The following KCNQ1 variants were observed in gnomAD, a reference collection of about 807,000 sequenced individuals.
The protein encoded by KCNQ1 is potassium voltage-gated channel subfamily KQT member 1.
KCNQ1 carries 49 observed loss-of-function variants against 72.4 expected under a neutral mutation model. The ratio of observed to expected loss-of-function variants is 0.68; its 90% CI spans 0.54 to 0.86. The LOEUF (loss-of-function observed/expected upper bound fraction) is 0.86, where lower values mean the gene tolerates loss of function less well. KCNQ1 is among the 40% of genes least tolerant of loss of function. KCNQ1 has a pLI of 0.00. For missense variants in KCNQ1, 790 were observed against 945.1 expected, an observed-to-expected ratio of 0.84 and a Z score of 2.15; for synonymous variants, 450 against 412.6, an observed-to-expected ratio of 1.09 and a Z score of -1.10.
chr11:2,758,848 C>A (rs1846343370), intron 11 of KCNQ1, among the ~76,000 whole-genome samples: 1 of 152,134 alleles, frequency 6.6e-6, no homozygotes, highest in Non-Finnish European at 1.5e-5. Context: ...AAAGTCCAGG[C>A]TGTAGGGATG....
intron 11 of KCNQ1, among the ~76,000 whole-genome samples, chr11:2,732,622 C>T (rs561760183): frequency 6.6e-6 from 1 of 152,202 alleles, no homozygotes; most frequent in African/African-American, 2.4e-5. Context: ...GCCCGAGGGC[C>T]GTCTGACCTT....
Position 2,813,718 on chromosome 11 carries a change from G to A in KCNQ1, c.1795-34049G>A, listed in dbSNP as rs556817993. The stretch of plus-strand genomic sequence containing the variant: ...AGTGACTGCGTCATCAGTGCCTTTT[G>A]ATCTTGTTGCCGCAAGATACACAGG... On this transcript the variant is annotated intron_variant, in intron 15 of 15. Coordinates refer to ENST00000155840, the MANE Select transcript of KCNQ1 (RefSeq NM_000218.3). The surrounding 1 kb of genome is among the most constrained non-coding windows in gnomAD (Gnocchi z 4.4). Among the ~76,000 whole-genome samples the A allele has an allele frequency of 6.6e-6, 1 of 152,252 alleles. No individual in the cohort carries two copies. Among genetic ancestry groups the A allele is most frequent in the East Asian group, 1.9e-4 (1 of 5,158 alleles).
intron 10 of KCNQ1, chr11:2,640,148 T>C (rs2133828132): frequency 2.8e-6 from 1 of 358,610 alleles, no homozygotes; most frequent in East Asian, 4.1e-5. Flanking sequence ...TGACCCCTTG[T>C]GCTTCCCAGG....
At chr11:2,665,708 C>T in intron 11 of KCNQ1, 1 of 398,286 alleles carries the variant, frequency 2.5e-6, no homozygotes, top group Non-Finnish European at 4.4e-6. Flanking sequence ...GCATGTATAG[C>T]CCTCTTGGTC....
intron 10 of KCNQ1, chr11:2,633,277 CCGGATATT>C: frequency 2.5e-6 from 1 of 398,372 alleles, no homozygotes; most frequent in Non-Finnish European, 4.4e-6. Flanking sequence ...CTTGTATATT[CCGGATATT>C]AATCCCTTGT....
In KCNQ1 at chr11:2,481,685, G is replaced by GGT. The variant is rs928521965; in HGVS notation, c.386+36206_386+36207dup. Among the ~76,000 whole-genome samples, 1 of 152,068 alleles carries GGT rather than the reference G, an allele frequency of 6.6e-6. No individual in the cohort carries two copies. Among genetic ancestry groups the GGT allele is most frequent in the African/African-American group, 2.4e-5 (1 of 41,394 alleles). ...AGTGGCGGCATTAGATTCTCACAGG[G>GGT]GTGTGTACCCTGTTGCAAACTATGC... is the stretch of plus-strand genomic sequence containing the variant. On this transcript the variant is annotated intron_variant, in intron 1 of 15. Transcript: ENST00000155840. The surrounding 1 kb of genome is among the most constrained non-coding windows in gnomAD (Gnocchi z 4.6).
At position 2,468,683 on chromosome 11, in the gene KCNQ1, C is replaced by G. The variant is rs1212000288; in HGVS notation, c.386+23199C>G. The stretch of plus-strand genomic sequence containing the variant: ...TTTGGATGGACTCTGGCAGCCAACG[C>G]TGGTTTCGTCTGGCTTCTTTTATTC... On this transcript the variant is annotated intron_variant, in intron 1 of 15. Transcript: ENST00000155840. This position sits in a 1 kb window ranked among gnomAD's most constrained non-coding sequence, Gnocchi z 5.7. Among the ~76,000 whole-genome samples, 1 of 152,190 alleles carries G rather than the reference C, an allele frequency of 6.6e-6. No homozygotes were observed. Among genetic ancestry groups the G allele is most frequent in the Admixed American group, 6.5e-5 (1 of 15,278 alleles).
chr11:2,844,355 C>G (rs951856569), intron 15 of KCNQ1, among the ~76,000 whole-genome samples: 1 of 152,218 alleles, frequency 6.6e-6, no homozygotes, highest in Non-Finnish European at 1.5e-5. Flanking sequence ...GCCTCTGTCA[C>G]CAGCAGCTGG....
At chr11:2,644,821 C>T in intron 10 of KCNQ1, 1 of 398,624 alleles carries the variant, frequency 2.5e-6, no homozygotes, top group Non-Finnish European at 4.4e-6. Context: ...GTAAACAGCA[C>T]CAGTAGTGTC....
rs1241055513 is a variant in KCNQ1 at position 2,546,382 on chromosome 11, TTG to T, written c.477+18369_477+18370del. ...ATGATTTATCTTGGTAAATACTCCA[TTG>T]TGTGCTTGGAAAGAGTGTGTACTGC... is the stretch of plus-strand genomic sequence containing the variant. On this transcript the variant is annotated intron_variant, in intron 2 of 15. Coordinates refer to ENST00000155840, the MANE Select transcript of KCNQ1 (RefSeq NM_000218.3). Among the ~76,000 whole-genome samples the T allele has an allele frequency of 3.9e-5, 6 of 152,318 alleles. No individual in the cohort carries two copies. In the East Asian group the frequency reaches 1.2e-3, roughly 29 times the overall value.
chr11:2,823,709 G>T (rs1847785007), intron 15 of KCNQ1, among the ~76,000 whole-genome samples: 1 of 152,234 alleles, frequency 6.6e-6, no homozygotes, highest in South Asian at 2.1e-4. Flanking sequence ...ATCTCCCTGA[G>T]GGAGGTGTTG....
In KCNQ1 at chr11:2,811,138, C is replaced by T. The variant is rs144084239; in HGVS notation, c.1794+33101C>T. 1.6e-3 allele frequency among the ~76,000 whole-genome samples: 246 copies of T among 152,304 alleles called. 2 individuals are homozygous for T. The highest frequency in any genetic ancestry group is 5.7e-3 in the Admixed American group (87 of 15,302). On this transcript the variant is annotated intron_variant, in intron 15 of 15. Coordinates refer to ENST00000155840, the MANE Select transcript of KCNQ1 (RefSeq NM_000218.3). ...CTCAGGCTGTGCACCTCCGCAGTGC[C>T]GTGTCCTGTCTGGAGCCTGTCACAC...
chr11:2,513,187 A>G (rs971749918), intron 1 of KCNQ1, among the ~76,000 whole-genome samples: 1 of 152,158 alleles, frequency 6.6e-6, no homozygotes, highest in Non-Finnish European at 1.5e-5. Flanking sequence ...CCCTCCGACC[A>G]GGACCTTTGT....
chr11:2,837,825 G>A (rs234868), intron 15 of KCNQ1, among the ~76,000 whole-genome samples: 88,268 of 152,156 alleles, frequency 0.58, 25,839 homozygotes, highest in South Asian at 0.75. Context: ...CGAGAAGGGC[G>A]GCGCCCAGGG....
chr11:2,546,869 C>T (rs1026923492), intron 2 of KCNQ1, among the ~76,000 whole-genome samples: 5 of 152,236 alleles, frequency 3.3e-5, no homozygotes, highest in African/African-American at 9.6e-5. Context: ...TCCCTGGCCA[C>T]TTTCTTTGCT....
At chr11:2,596,885 TATATA>T (rs1343618226) in intron 10 of KCNQ1, among the ~76,000 whole-genome samples, 1 of 151,308 alleles carries the variant, frequency 6.6e-6, no homozygotes, top group Non-Finnish European at 1.5e-5. Context: ...ATAATGTAAA[TATATA>T]ATATATATTT....
At chr11:2,554,930 A>T (rs138345119) in intron 2 of KCNQ1, among the ~76,000 whole-genome samples, 3 of 152,324 alleles carry the variant, frequency 2.0e-5, no homozygotes, top group African/African-American at 7.2e-5. Context: ...AAATCTCTAG[A>T]TTTGCAGAAT....
chr11:2,456,183 C>T (rs1846188608), intron 1 of KCNQ1, among the ~76,000 whole-genome samples: 1 of 151,748 alleles, frequency 6.6e-6, no homozygotes, highest in Admixed American at 6.6e-5. Flanking sequence ...ACTAAAAATA[C>T]AAAAATTAGC....
In KCNQ1 at chr11:2,528,001, G is replaced by C; in HGVS notation, c.460G>C (p.Gly154Arg). ...TIEQYAALAT[G>R]TLFWMEIVLV... is the part of the protein sequence containing the mutation. ...CGAGCAGTATGCCGCCCTGGCCACG[G>C]GGACTCTCTTCTGGATGGTACGTAG... The change falls in exon 2 of 16, where the codon GGG (glycine) becomes CGG (arginine). Residue 154 changes from glycine to arginine, a missense_variant. Coordinates refer to ENST00000155840, the MANE Select transcript of KCNQ1 (RefSeq NM_000218.3). 1 of 1,613,668 alleles carries C rather than the reference G, an allele frequency of 6.2e-7. No individual in the cohort carries two copies. Among genetic ancestry groups the C allele is most frequent in the Non-Finnish European group, 8.5e-7 (1 of 1,179,758 alleles).
Sources: allele counts gnomAD v4.1 joint callset (sites outside exome capture counted in the v4.1 genomes callset), GRCh38; gene constraint gnomAD v4.1.1; non-coding constraint Gnocchi (gnomAD v3.1); transcripts MANE v1.5; gene names NCBI Gene and HGNC (gene_info 2026-07-23, HGNC 2026-07-21).